Variants in GRIA1 observed in about 807,000 individuals in gnomAD.
GRIA1 encodes the protein glutamate ionotropic receptor AMPA type subunit 1, also known as glutamate receptor 1.
Under a neutral mutation model 99.2 loss-of-function variants are expected in GRIA1, and 31 were observed. The observed-to-expected ratio is 0.31, with a 90% confidence interval of 0.23 to 0.42. The LOEUF (loss-of-function observed/expected upper bound fraction) is 0.42, where lower values mean the gene tolerates loss of function less well. GRIA1 is among the 10% of genes least tolerant of loss of function. The pLI is 1.00. For missense variants in GRIA1, 782 were observed against 1,157.5 expected (o/e 0.68, Z 4.71); for synonymous variants, 438 against 432.4 (o/e 1.01, Z -0.16).
intron 11 of GRIA1, among the ~76,000 whole-genome samples, chr5:153,709,137 A>G (rs1759128742): frequency 6.6e-6 from 1 of 152,242 alleles, no homozygotes. Context: ...CATCAGTAGA[A>G]ACTTTTGTTG....
intron 2 of GRIA1, among the ~76,000 whole-genome samples, chr5:153,571,878 C>T (rs1338965671): frequency 6.6e-6 from 1 of 152,138 alleles, no homozygotes; most frequent in African/African-American, 2.4e-5. Flanking sequence ...CTCAGGTCCC[C>T]AGAGGCCTTC....
intron 2 of GRIA1, among the ~76,000 whole-genome samples, chr5:153,638,107 G>T (rs1561715682): frequency 2.6e-5 from 4 of 152,148 alleles, no homozygotes; most frequent in Non-Finnish European, 4.4e-5. Context: ...TAAATGACTT[G>T]CATTCATTCA....
chr5:153,791,416 A>G (rs1765299039), intron 13 of GRIA1, among the ~76,000 whole-genome samples: 1 of 152,046 alleles, frequency 6.6e-6, no homozygotes, highest in Non-Finnish European at 1.5e-5. Flanking sequence ...TTGGGCTTAG[A>G]AAATGGAGAT....
In GRIA1 at chr5:153,602,902, C is replaced by G. The variant is rs80226253; in HGVS notation, c.221-44026C>G. The stretch of plus-strand genomic sequence containing the variant: ...GTTCTTTTCTTTCTGTCCCTCGTGC[C>G]CTTTGTCTTCAGGCTGGTAAACTGT... On this transcript the variant is annotated intron_variant, in intron 2 of 15. Transcript: ENST00000285900. Among the ~76,000 whole-genome samples the G allele has an allele frequency of 9.8e-3, 1,487 of 152,204 alleles. 22 individuals are homozygous for G. The highest frequency in any genetic ancestry group is 0.034 in the African/African-American group (1,406 of 41,512).
At chr5:153,645,821 A>T (rs1170962008) in intron 2 of GRIA1, among the ~76,000 whole-genome samples, 1 of 152,204 alleles carries the variant, frequency 6.6e-6, no homozygotes, top group Non-Finnish European at 1.5e-5. Context: ...AAAAATAATA[A>T]TACCTAAGTC....
intron 8 of GRIA1, among the ~76,000 whole-genome samples, chr5:153,694,890 A>G (rs1209478934): frequency 6.6e-6 from 1 of 152,146 alleles, no homozygotes; most frequent in African/African-American, 2.4e-5. Flanking sequence ...AAGAAGGAAG[A>G]AGAAAGACAG....
rs148156053 is a variant in GRIA1 at position 153,508,302 on chromosome 5, T to C, written c.220+14237T>C. On this transcript the variant is annotated intron_variant, in intron 2 of 15. Transcript: ENST00000285900. ...TAGGCACTAGCAACATCTGCCCCTA[T>C]TACACATTAGAAATGTAGTGAGCAT... Among the ~76,000 whole-genome samples the C allele has an allele frequency of 7.1e-3, 1,087 of 152,332 alleles. 16 individuals carry two copies. The highest frequency in any genetic ancestry group is 0.025 in the African/African-American group (1,057 of 41,574).
At chr5:153,491,151 A>T (rs2113165893) in intron 1 of GRIA1, 181 bp downstream of exon 1, 1 of 975,374 alleles carries the variant, frequency 1.0e-6, no homozygotes, top group South Asian at 1.7e-5. Flanking sequence ...TCCTGATCGG[A>T]TGAGGGGCAG....
chr5:153,581,071 G>C (rs17591692), intron 2 of GRIA1, among the ~76,000 whole-genome samples: 7,661 of 152,268 alleles, frequency 0.05, 269 homozygotes, highest in Non-Finnish European at 0.076. Context: ...AGCTCACTTC[G>C]AAGTCTGGCA....
At chr5:153,634,243 G>A (rs940831172) in intron 2 of GRIA1, among the ~76,000 whole-genome samples, 8 of 151,860 alleles carry the variant, frequency 5.3e-5, no homozygotes, top group East Asian at 3.9e-4. Context: ...GCGTGAACCC[G>A]GGAGGTGGAG....
intron 7 of GRIA1, among the ~76,000 whole-genome samples, chr5:153,683,448 A>G (rs952727426): frequency 6.6e-6 from 1 of 152,072 alleles, no homozygotes; most frequent in Admixed American, 6.6e-5. Flanking sequence ...AGTCTCAATA[A>G]TCTCATCTGT....
chr5:153,665,856 C>G (rs1755706679), intron 5 of GRIA1, among the ~76,000 whole-genome samples: 1 of 152,140 alleles, frequency 6.6e-6, no homozygotes, highest in Non-Finnish European at 1.5e-5. Context: ...TGCCTTTTCC[C>G]TAACCTAATA....
intron 2 of GRIA1, among the ~76,000 whole-genome samples, chr5:153,504,130 C>A (rs1282181071): frequency 6.6e-6 from 1 of 151,984 alleles, no homozygotes; most frequent in African/African-American, 2.4e-5. Flanking sequence ...ATATTGTAGT[C>A]TTTTGCTTGA....
At chr5:153,628,829 CTT>C (rs892631568) in intron 2 of GRIA1, among the ~76,000 whole-genome samples, 4 of 152,116 alleles carry the variant, frequency 2.6e-5, no homozygotes, top group African/African-American at 9.7e-5. Flanking sequence ...ATGGTCCACT[CTT>C]TGTTGTGTGT....
intron 2 of GRIA1, among the ~76,000 whole-genome samples, chr5:153,596,083 A>C (rs1237057336): frequency 1.3e-5 from 2 of 152,122 alleles, no homozygotes; most frequent in South Asian, 2.1e-4. Context: ...TCATTTTCAT[A>C]GTTTAAGAGT....
chr5:153,708,976 CTCCCTTGAGAGA>C (rs1759117021), intron 11 of GRIA1, among the ~76,000 whole-genome samples: 1 of 152,202 alleles, frequency 6.6e-6, no homozygotes. Flanking sequence ...CCTGTAAAAT[CTCCCTTGAGAGA>C]GTGAGAATGT....
chr5:153,609,886 T>A (rs946930453), intron 2 of GRIA1, among the ~76,000 whole-genome samples: 25 of 152,100 alleles, frequency 1.6e-4, no homozygotes, highest in African/African-American at 6.0e-4. Flanking sequence ...AATATTCCAA[T>A]AAGGTACAAT....
At chr5:153,629,562 C>T (rs1752781937) in intron 2 of GRIA1, among the ~76,000 whole-genome samples, 2 of 152,208 alleles carry the variant, frequency 1.3e-5, no homozygotes, top group Non-Finnish European at 2.9e-5. Flanking sequence ...GCAGTGGTGA[C>T]TAGGTTGAAG....
At chr5:153,643,887 C>T (rs750820609) in intron 2 of GRIA1, among the ~76,000 whole-genome samples, 5 of 152,188 alleles carry the variant, frequency 3.3e-5, no homozygotes, top group African/African-American at 7.2e-5. Context: ...TCGTCCACCC[C>T]CATCTCACCC....
Sources: gnomAD v4.1 joint callset for allele counts (sites outside exome capture counted in the v4.1 genomes callset) on GRCh38, gnomAD v4.1.1 for gene constraint, MANE v1.5 for transcripts, NCBI Gene and HGNC (gene_info 2026-07-23, HGNC 2026-07-21) for gene names.